VSIR: variants seen among roughly 807,000 people sequenced by gnomAD.
VSIR encodes V-type immunoglobulin domain-containing suppressor of T-cell activation.
In VSIR, 10 loss-of-function variants were observed where a neutral mutation model predicts 31.0. That is an observed-to-expected ratio of 0.32 (90% confidence interval 0.20 to 0.55). VSIR has a LOEUF of 0.55. Among genes scored for constraint, VSIR ranks in the 20% least tolerant of loss-of-function variants. VSIR has a pLI of 0.93. For missense variants in VSIR, 356 were observed against 416.2 expected, an observed-to-expected ratio of 0.86 and a Z score of 1.26; for synonymous variants, 179 against 180.1, an observed-to-expected ratio of 0.99 and a Z score of 0.05.
chr10:71,760,773 G>A, intron 3 of VSIR, 95 bp downstream of exon 3: 1 of 1,181,044 alleles, frequency 8.5e-7, no homozygotes, highest in Non-Finnish European at 1.3e-6. Flanking sequence ...TGAGGGCTTG[G>A]GGTGATGAGG....
chr10:71,753,616 C>CTGCCGCT (rs1840061110), intron 4 of VSIR, among the ~76,000 whole-genome samples: 2 of 152,224 alleles, frequency 1.3e-5, no homozygotes, highest in African/African-American at 4.8e-5. Context: ...ATCCAAGTTG[C>CTGCCGCT]TGCCGCTTGC....
Position 71,773,338 on chromosome 10 carries a change from C to A in VSIR, c.82+20G>T. ...TCTTCTCCCAGCTTTTTCCCAGCGC[C>A]CCGCCTCCCCCGACCTTACCTAGGG... On this transcript the variant is annotated intron_variant, in intron 1 of 6. Transcript: ENST00000394957. The A allele has an allele frequency of 6.3e-7, 1 of 1,594,388 alleles. No homozygotes were observed. The highest frequency in any genetic ancestry group is 2.3e-5 in the East Asian group (1 of 43,684).
At chr10:71,752,176 G>A (rs1433651566) in intron 5 of VSIR, 1 of 482,022 alleles carries the variant, frequency 2.1e-6, no homozygotes, top group East Asian at 4.6e-5. Flanking sequence ...TTCAGCCTCA[G>A]GAATTTGGGG....
rs1265933880 is a variant in VSIR, at chr10:71,773,475, G to A, written c.-36C>T. ...GACGCGCAGAGGAACTTCTGGTGCCGGGGAGCGGGCGGGACGCGGCCGGCG... is the reference window on the plus strand; with the variant it reads ...GACGCGCAGAGGAACTTCTGGTGCCAGGGAGCGGGCGGGACGCGGCCGGCG... On this transcript the variant is annotated 5_prime_UTR_variant, in exon 1 of 7. Transcript: ENST00000394957. 11 of 1,560,714 alleles carry A rather than the reference G, an allele frequency of 7.0e-6. No individual in the cohort carries two copies. The highest frequency in any genetic ancestry group is 2.4e-5 in the East Asian group (1 of 42,394).
intron 1 of VSIR, among the ~76,000 whole-genome samples, chr10:71,770,718 G>A (rs1379940248): frequency 6.6e-6 from 1 of 152,180 alleles, no homozygotes; most frequent in Non-Finnish European, 1.5e-5. Flanking sequence ...GGATAGGGAG[G>A]TGACCCCTTT....
At chr10:71,770,383 A>C (rs1306611196) in intron 1 of VSIR, among the ~76,000 whole-genome samples, 1 of 152,214 alleles carries the variant, frequency 6.6e-6, no homozygotes, top group East Asian at 1.9e-4. Context: ...CCATCTTGGG[A>C]TTTAAGCCTA....
chr10:71,761,992 A>G lies in VSIR; in HGVS notation c.117T>C (p.Tyr39=), dbSNP rs756110055. ...GCCCCTCGGGACAGACATACAGGGA[A>G]TACGGCGTGGCGACCTTGAAGGCTG... is the stretch of plus-strand genomic sequence containing the variant. ...PVAAFKVATP[Y]SLYVCPEGQN... Residue 39 remains tyrosine, a synonymous_variant, in exon 2 of 7, where the codon TAT becomes TAC. Transcript: ENST00000394957. 7.4e-6 allele frequency: 12 copies of G among 1,611,402 alleles called. 1 individual carries two copies. The South Asian group carries it at 1.3e-4, about 18-fold the overall frequency.
At chr10:71,757,422 G>A (rs1023409580) in intron 3 of VSIR, among the ~76,000 whole-genome samples, 3 of 152,212 alleles carry the variant, frequency 2.0e-5, no homozygotes, top group African/African-American at 4.8e-5. Flanking sequence ...GCAGAGGGGC[G>A]CAGAGGTTTG....
At chr10:71,772,521 C>T (rs1197470716) in intron 1 of VSIR, among the ~76,000 whole-genome samples, 1 of 152,246 alleles carries the variant, frequency 6.6e-6, no homozygotes, top group African/African-American at 2.4e-5. Context: ...CCGGGAGCCC[C>T]TGTGTTGGGG....
At position 71,748,911 on chromosome 10, in the gene VSIR, G is replaced by C. The variant is rs1287436675; in HGVS notation, c.*2342C>G. 6.5e-6 allele frequency: 1 copy of C among 152,878 alleles called. No individual in the cohort carries two copies. The highest frequency in any genetic ancestry group is 1.9e-4 in the East Asian group (1 of 5,204). 9.5% of individuals were successfully genotyped at this position (152,878 alleles called of 1,614,324 possible). A position where few individuals can be genotyped will look rare whatever the true frequency, so the allele number is the denominator to read the frequency against. On this transcript the variant is annotated 3_prime_UTR_variant, in exon 7 of 7. Transcript: ENST00000394957. ...ATGAAGATGGAACTGGGAGCTCAGA[G>C]TAAATTTCGCTGAAAACAGGAAACC...
chr10:71,759,481 T>C (rs1352579308), intron 3 of VSIR, among the ~76,000 whole-genome samples: 1 of 151,448 alleles, frequency 6.6e-6, no homozygotes, highest in African/African-American at 2.4e-5. Flanking sequence ...CATTCCAGCC[T>C]GAGTGACAGA....
intron 5 of VSIR, among the ~76,000 whole-genome samples, chr10:71,752,397 G>C (rs1389268529): frequency 6.6e-6 from 1 of 152,212 alleles, no homozygotes; most frequent in Non-Finnish European, 1.5e-5. Context: ...ACCTAGAGGA[G>C]CTTTGTGTTT....
rs766588848 is a variant in VSIR, at chr10:71,751,702, A to G, written c.864T>C (p.Pro288=). 2 of 1,555,956 alleles carry G rather than the reference A, an allele frequency of 1.3e-6. No homozygotes were observed. Among genetic ancestry groups the G allele is most frequent in the Admixed American group, 4.1e-5 (2 of 48,856 alleles). ...GGAAGAAGACGTCTCCGGGGCCTGG[A>G]GGAGACAGGGGGGTGCTGGGCTCCG... ...LLSEPSTPLS[P]PGPGDVFFPS... The change falls in exon 6 of 7, where the codon CCT becomes CCC. Residue 288 remains proline (P), a synonymous_variant. Coordinates refer to ENST00000394957, the MANE Select transcript of VSIR (RefSeq NM_022153.2). The surrounding 1 kb of genome is among the most constrained non-coding windows in gnomAD (Gnocchi z 4.9).
At chr10:71,756,400 G>C (rs1840149206) in intron 3 of VSIR, among the ~76,000 whole-genome samples, 1 of 152,166 alleles carries the variant, frequency 6.6e-6, no homozygotes, top group African/African-American at 2.4e-5. Flanking sequence ...ATTTATTGAA[G>C]CAGTCCCCTG....
intron 1 of VSIR, among the ~76,000 whole-genome samples, chr10:71,772,740 G>T (rs943477679): frequency 1.3e-5 from 2 of 152,206 alleles, no homozygotes; most frequent in Admixed American, 1.3e-4. Flanking sequence ...TGGCAGCCTT[G>T]CTAGGATGGC....
chr10:71,770,361 A>C (rs1840658708), intron 1 of VSIR, among the ~76,000 whole-genome samples: 1 of 152,252 alleles, frequency 6.6e-6, no homozygotes, highest in African/African-American at 2.4e-5. Context: ...AATATCACAG[A>C]GCAGTAAATG....
intron 1 of VSIR, among the ~76,000 whole-genome samples, chr10:71,766,745 G>A (rs574577383): frequency 4.5e-4 from 69 of 152,246 alleles, no homozygotes; most frequent in Middle Eastern, 6.8e-3. Context: ...TCAGAGAAGT[G>A]ACTTGCCCAA....
chr10:71,765,918 G>T lies in VSIR; in HGVS notation c.83-3892C>A, dbSNP rs190700373. Among the ~76,000 whole-genome samples the T allele has an allele frequency of 9.2e-5, 14 of 152,272 alleles. No homozygotes were observed. In the East Asian group the frequency reaches 2.7e-3, roughly 29 times the overall value. On this transcript the variant is annotated intron_variant, in intron 1 of 6. Transcript: ENST00000394957. Reference sequence around the variant, plus strand: ...CAAGGGTCCACAGGGGTTTGTCCTGGGGAGGGAGGGAAGGCCAGAAAACAC... The same window carrying T: ...CAAGGGTCCACAGGGGTTTGTCCTGTGGAGGGAGGGAAGGCCAGAAAACAC...
rs1344065053 is a variant in VSIR, at chr10:71,747,707, G to A, written c.*3546C>T. On this transcript the variant is annotated 3_prime_UTR_variant, in exon 7 of 7. Transcript: ENST00000394957. Reference sequence around the variant, plus strand: ...CAAGTTACAACACATGTGAAAGTGTGTTGGAAAGCACCAAGTATTCTAACA... The same window carrying A: ...CAAGTTACAACACATGTGAAAGTGTATTGGAAAGCACCAAGTATTCTAACA... 6.6e-6 allele frequency: 1 copy of A among 152,386 alleles called. No homozygotes were observed. Among genetic ancestry groups the A allele is most frequent in the East Asian group, 1.9e-4 (1 of 5,190 alleles). The allele number at this position is 152,386 out of a possible 1,614,324, so 9.4% of individuals were successfully genotyped here. A position where few individuals can be genotyped will look rare whatever the true frequency, so the allele number is the denominator to read the frequency against.
Sources: gnomAD v4.1 joint callset for allele counts (sites outside exome capture counted in the v4.1 genomes callset) on GRCh38, gnomAD v4.1.1 for gene constraint, Gnocchi (gnomAD v3.1) non-coding constraint, MANE v1.5 for transcripts, NCBI Gene and HGNC (gene_info 2026-07-23, HGNC 2026-07-21) for gene names.